Variants in COL9A3 observed in about 807,000 individuals in gnomAD.
The protein encoded by COL9A3 is collagen type IX alpha 3 chain.
In COL9A3, 82 loss-of-function variants were observed where a neutral mutation model predicts 110.2. The ratio of observed to expected loss-of-function variants is 0.74; its 90% CI spans 0.62 to 0.89. The LOEUF is 0.89. Among genes scored for constraint, COL9A3 ranks in the 40% least tolerant of loss-of-function variants. COL9A3 has a pLI of 0.00. For synonymous variants in COL9A3, 494 were observed against 403.8 expected (o/e 1.22, Z -2.68); for missense variants, 1,066 against 981.3 (o/e 1.09, Z -1.15).
intron 10 of COL9A3, among the ~76,000 whole-genome samples, chr20:62,823,047 C>G (rs1049867136): frequency 1.2e-4 from 18 of 152,028 alleles, no homozygotes; most frequent in African/African-American, 4.4e-4. Flanking sequence ...GAAAAGAAAA[C>G]AGGCTCAGGT....
chr20:62,829,751 T>A lies in COL9A3; in HGVS notation c.1108-15T>A. The A allele has an allele frequency of 6.3e-7, 1 of 1,591,786 alleles. No homozygotes were observed. Among genetic ancestry groups the A allele is most frequent in the Non-Finnish European group, 8.5e-7 (1 of 1,169,618 alleles). On this transcript the variant is annotated splice_polypyrimidine_tract_variant and intron_variant, in intron 21 of 31. Transcript: ENST00000649368. ...TGCAGACCCTGCCCTGACACCCTCC[T>A]TCCTTTCCCTGTAGGGAGATGCTGG... is the stretch of plus-strand genomic sequence containing the variant.
chr20:62,822,076 G>A, intron 8 of COL9A3, 35 bp from the exon 9 acceptor site: 1 of 1,362,140 alleles, frequency 7.3e-7, no homozygotes, highest in Non-Finnish European at 1.1e-6. Context: ...GGTGGGGGCT[G>A]GTCCCACTCT....
At chr20:62,830,654 C>CT (rs1555824162) in intron 24 of COL9A3, 66 bp downstream of exon 24, 2 of 1,001,412 alleles carry the variant, frequency 2.0e-6, no homozygotes, top group South Asian at 1.5e-5. Context: ...AGTCCCCCAC[C>CT]CCCATGACAG....
intron 31 of COL9A3, among the ~76,000 whole-genome samples, chr20:62,839,957 G>A (rs1239823170): frequency 6.6e-6 from 1 of 152,104 alleles, no homozygotes; most frequent in East Asian, 1.9e-4. Context: ...AACGCACAGG[G>A]GTCCCAGGCC....
chr20:62,833,178 G>A, intron 26 of COL9A3, 114 bp downstream of exon 26: 1 of 891,616 alleles, frequency 1.1e-6, no homozygotes, highest in Admixed American at 1.8e-5. Flanking sequence ...TGGAAGATCG[G>A]CAGCTCTGCT....
chr20:62,821,708 T>C (rs1355844174), intron 7 of COL9A3, 49 bp from the exon 8 acceptor site: 2 of 1,574,182 alleles, frequency 1.3e-6, no homozygotes, highest in Admixed American at 3.4e-5. Context: ...GTGGGGATCC[T>C]CGGGGCTTCC....
intron 17 of COL9A3, 121 bp from the exon 18 acceptor site, chr20:62,828,643 C>T: frequency 8.8e-7 from 1 of 1,138,542 alleles, no homozygotes; most frequent in South Asian, 1.3e-5. Context: ...AGATAACTGC[C>T]AGGGTGTGGG....
chr20:62,826,949 G>A (rs2063557778), intron 15 of COL9A3, 129 bp downstream of exon 15: 5 of 1,048,274 alleles, frequency 4.8e-6, no homozygotes, highest in Non-Finnish European at 7.1e-6. Flanking sequence ...TGGACACCCT[G>A]GGAGGGCTTG....
chr20:62,833,555 C>T (rs1172008735), intron 26 of COL9A3, among the ~76,000 whole-genome samples: 2 of 151,754 alleles, frequency 1.3e-5, no homozygotes, highest in Non-Finnish European at 2.9e-5. Context: ...AGGCGCCCGC[C>T]ACCATGCCCA....
intron 7 of COL9A3, 51 bp downstream of exon 7, chr20:62,821,581 G>A: frequency 6.2e-7 from 1 of 1,611,960 alleles, no homozygotes. Flanking sequence ...AGTCCCGAGA[G>A]CCTGCCAGGC....
At chr20:62,823,478 G>C (rs1238251937) in intron 10 of COL9A3, among the ~76,000 whole-genome samples, 3 of 152,160 alleles carry the variant, frequency 2.0e-5, no homozygotes, top group Non-Finnish European at 2.9e-5. Flanking sequence ...GGCCCACTCT[G>C]ACCTGACCAC....
intron 27 of COL9A3, 107 bp downstream of exon 27, chr20:62,836,060 G>A: frequency 6.2e-7 from 1 of 1,607,278 alleles, no homozygotes; most frequent in Non-Finnish European, 8.5e-7. Flanking sequence ...CCAGATCCGA[G>A]ATGTAAAAAA....
In COL9A3 at chr20:62,836,183, G is replaced by A. The variant is rs2063633575; in HGVS notation, c.1402-4G>A. On this transcript the variant is annotated splice_region_variant and splice_polypyrimidine_tract_variant and intron_variant, in intron 27 of 31. Transcript: ENST00000649368. ...CTGACCCACCTTCCTCTGTTCCTCTGCAGTCTGGCAGTCGAGGGGAGCTGG... is the reference window on the plus strand; with the variant it reads ...CTGACCCACCTTCCTCTGTTCCTCTACAGTCTGGCAGTCGAGGGGAGCTGG... 2 of 1,613,006 alleles carry A rather than the reference G, an allele frequency of 1.2e-6. No homozygotes were observed. The highest frequency in any genetic ancestry group is 1.7e-6 in the Non-Finnish European group (2 of 1,179,898).
rs959102115 is a variant in COL9A3 at position 62,832,053 on chromosome 20, A to G, written c.1288-101A>G. On this transcript the variant is annotated intron_variant, in intron 24 of 31. Transcript: ENST00000649368. ...CACAGAAGCCCTTTGTGCAGCACAG[A>G]TGGAGATGTGGGGAGGTGTTTACCA... 3.5e-6 allele frequency: 4 copies of G among 1,157,588 alleles called. 1 individual carries two copies. The South Asian group carries it at 3.6e-5, about 11-fold the overall frequency. The allele number at this position is 1,157,588 out of a possible 1,614,324, so 71.7% of individuals were successfully genotyped here. A position where few individuals can be genotyped will look rare whatever the true frequency, so the allele number is the denominator to read the frequency against.
intron 28 of COL9A3, 26 bp downstream of exon 28, chr20:62,836,359 G>C (rs375574134): frequency 6.2e-7 from 1 of 1,613,894 alleles, no homozygotes; most frequent in South Asian, 1.1e-5. Flanking sequence ...GGCTTTTCCA[G>C]CTTTCACAGG....
intron 17 of COL9A3, 140 bp downstream of exon 17, chr20:62,828,116 C>T: frequency 1.2e-6 from 1 of 849,106 alleles, no homozygotes; most frequent in South Asian, 1.4e-5. Flanking sequence ...TGGAACAGCC[C>T]CGCAGCCCCA....
Position 62,830,543 on chromosome 20 carries a change from C to G in COL9A3, c.1242C>G (p.Pro414=). Residue 414 remains proline, a synonymous_variant, in exon 24 of 32, where the codon CCC becomes CCG. Transcript: ENST00000649368. ...FQGQKGSMGD[P]GLPGPQGLRG... is the part of the protein sequence containing the mutation. The stretch of plus-strand genomic sequence containing the variant: ...GCCAGAAGGGCAGCATGGGAGACCC[C>G]GGCCTTCCAGGCCCCCAGGGCCTCC... 6.2e-7 allele frequency: 1 copy of G among 1,608,170 alleles called. No homozygotes were observed. The highest frequency in any genetic ancestry group is 8.5e-7 in the Non-Finnish European group (1 of 1,178,306).
upstream of COL9A3, among the ~76,000 whole-genome samples, chr20:62,816,900 G>T (rs1990934518): frequency 2.0e-5 from 3 of 151,658 alleles, no homozygotes; most frequent in Admixed American, 2.0e-4. Context: ...CGGGCTGGGC[G>T]GCGGCGCGGG....
chr20:62,835,693 CAA>C (rs2063629616), intron 26 of COL9A3, among the ~76,000 whole-genome samples: 1 of 152,168 alleles, frequency 6.6e-6, no homozygotes, highest in Admixed American at 6.5e-5. Flanking sequence ...GTGCAGCTAA[CAA>C]AGTCACTCTT....
Sources: gnomAD v4.1 joint callset for allele counts (sites outside exome capture counted in the v4.1 genomes callset) on GRCh38, gnomAD v4.1.1 for gene constraint, MANE v1.5 for transcripts, NCBI Gene and HGNC (gene_info 2026-07-23, HGNC 2026-07-21) for gene names.